ST6GAL1: variants seen among roughly 807,000 people sequenced by gnomAD.
The protein encoded by ST6GAL1 is ST6 beta-galactoside alpha-2,6-sialyltransferase 1.
Under a neutral mutation model 38.0 loss-of-function variants are expected in ST6GAL1, and 20 were observed. The ratio of observed to expected loss-of-function variants is 0.53; its 90% confidence interval spans 0.37 to 0.77. The LOEUF is 0.77. ST6GAL1 is among the 30% of genes least tolerant of loss of function. ST6GAL1 has a pLI of 0.00. For missense variants in ST6GAL1, 432 were observed against 496.4 expected, an observed-to-expected ratio of 0.87 and a Z score of 1.23; for synonymous variants, 196 against 188.2, an observed-to-expected ratio of 1.04 and a Z score of -0.34.
At chr3:187,071,358 CTT>C (rs1159358399) in intron 5 of ST6GAL1, among the ~76,000 whole-genome samples, 3 of 152,122 alleles carry the variant, frequency 2.0e-5, no homozygotes, top group Non-Finnish European at 4.4e-5. Flanking sequence ...TTTGGGGCTA[CTT>C]TTCTTTCTCA....
chr3:186,995,513 AAAT>A (rs1224574949), intron 2 of ST6GAL1, among the ~76,000 whole-genome samples: 1 of 66,084 alleles, frequency 1.5e-5, no homozygotes, highest in Non-Finnish European at 2.9e-5. Flanking sequence ...CTCAAAAAAA[AAAT>A]AATAATAAAA....
chr3:187,068,559 T>A (rs966200276), intron 5 of ST6GAL1, among the ~76,000 whole-genome samples: 17 of 152,308 alleles, frequency 1.1e-4, no homozygotes, highest in South Asian at 6.2e-4. Context: ...GTAGTAAGCA[T>A]CATTAAATGG....
chr3:187,033,498 C>T (rs1206911126), intron 2 of ST6GAL1, among the ~76,000 whole-genome samples: 1 of 152,196 alleles, frequency 6.6e-6, no homozygotes, highest in Non-Finnish European at 1.5e-5. Context: ...AAGTCTCAAC[C>T]ATTTACATTT....
intron 1 of ST6GAL1, among the ~76,000 whole-genome samples, chr3:186,948,523 A>C: frequency 7.4e-6 from 1 of 135,684 alleles, no homozygotes; most frequent in African/African-American, 2.8e-5. Flanking sequence ...GGGTTCAGAA[A>C]CTCTAGTGTG....
At chr3:186,971,183 G>A (rs1283479687) in intron 2 of ST6GAL1, among the ~76,000 whole-genome samples, 1 of 152,198 alleles carries the variant, frequency 6.6e-6, no homozygotes, top group Non-Finnish European at 1.5e-5. Flanking sequence ...CCACCTCCCG[G>A]GTTCAAGCGA....
chr3:187,037,803 G>A (rs1360825318), intron 2 of ST6GAL1, among the ~76,000 whole-genome samples: 1 of 152,040 alleles, frequency 6.6e-6, no homozygotes, highest in Admixed American at 6.6e-5. Flanking sequence ...AAAGAATAAT[G>A]GATGTACATT....
intron 5 of ST6GAL1, among the ~76,000 whole-genome samples, chr3:187,055,182 T>C (rs555411057): frequency 5.3e-5 from 8 of 152,196 alleles, no homozygotes; most frequent in Non-Finnish European, 8.8e-5. Flanking sequence ...ATTTGATTCT[T>C]CTCTCTTTTC....
intron 3 of ST6GAL1, chr3:187,041,841 G>A (rs1471040696): frequency 1.3e-5 from 2 of 152,224 alleles, no homozygotes; most frequent in Admixed American, 6.5e-5. Context: ...TGTGTCTCAT[G>A]GTGGCCCTGG....
chr3:186,999,147 C>G (rs1054175927), intron 2 of ST6GAL1, among the ~76,000 whole-genome samples: 1 of 152,200 alleles, frequency 6.6e-6, no homozygotes, highest in African/African-American at 2.4e-5. Context: ...AGGGAATCCT[C>G]CTTTTTAAAT....
At chr3:186,935,314 C>A (rs903592750) in intron 1 of ST6GAL1, among the ~76,000 whole-genome samples, 1 of 152,138 alleles carries the variant, frequency 6.6e-6, no homozygotes, top group Non-Finnish European at 1.5e-5. Flanking sequence ...CAGCTCCATC[C>A]CTGTTCCTGC....
chr3:187,075,463 C>G lies in ST6GAL1; in HGVS notation c.980-99C>G. On this transcript the variant is annotated intron_variant, in intron 7 of 7. Transcript: ENST00000169298. The surrounding 1 kb of genome is among the most constrained non-coding windows in gnomAD (Gnocchi z 4.1). ...AAATAGAAACTCCAGAGGGAAAGCT[C>G]TCCAAATTTGGGGTCATGAGCTGCT... The G allele has an allele frequency of 6.6e-7, 1 of 1,526,180 alleles. No individual in the cohort carries two copies. The allele number at this position is 1,526,180 out of a possible 1,614,324, so 94.5% of individuals were successfully genotyped here. A position where few individuals can be genotyped will look rare whatever the true frequency, so the allele number is the denominator to read the frequency against.
chr3:187,010,099 G>A (rs1368703099), intron 2 of ST6GAL1, among the ~76,000 whole-genome samples: 1 of 152,056 alleles, frequency 6.6e-6, no homozygotes, highest in Non-Finnish European at 1.5e-5. Flanking sequence ...TTGTCCTCTT[G>A]GGAATTGAGG....
intron 2 of ST6GAL1, among the ~76,000 whole-genome samples, chr3:187,010,647 T>C (rs2108558369): frequency 6.6e-6 from 1 of 152,260 alleles, no homozygotes; most frequent in Non-Finnish European, 1.5e-5. Flanking sequence ...TCTTGGCTCT[T>C]TCACTGGCAG....
At chr3:186,965,717 A>C (rs987321644) in intron 2 of ST6GAL1, among the ~76,000 whole-genome samples, 2 of 152,082 alleles carry the variant, frequency 1.3e-5, no homozygotes, top group Non-Finnish European at 2.9e-5. Flanking sequence ...CTCCTCACAG[A>C]GCTTACATAT....
At chr3:186,961,190 G>A (rs1714924255) in intron 1 of ST6GAL1, among the ~76,000 whole-genome samples, 1 of 152,078 alleles carries the variant, frequency 6.6e-6, no homozygotes, top group Admixed American at 6.6e-5. Flanking sequence ...TGACCAAGCT[G>A]GTCTTGAACT....
Position 187,025,713 on chromosome 3 carries a change from C to T in ST6GAL1, c.-182-13029C>T, listed in dbSNP as rs534768154. ...AGGGTGAAGACAGTAGCAAATGGCTCATGATTTCCCTTTGCCATGGCTGTG... is the reference window on the plus strand; with the variant it reads ...AGGGTGAAGACAGTAGCAAATGGCTTATGATTTCCCTTTGCCATGGCTGTG... On this transcript the variant is annotated intron_variant, in intron 2 of 7. Coordinates refer to ENST00000169298, the MANE Select transcript of ST6GAL1 (RefSeq NM_173216.2). Among the ~76,000 whole-genome samples, 114 of 152,262 alleles carry T rather than the reference C, an allele frequency of 7.5e-4. 3 individuals carry two copies. In the South Asian group the frequency reaches 0.022, roughly 29 times the overall value.
At chr3:186,981,078 A>G (rs564801535) in intron 2 of ST6GAL1, among the ~76,000 whole-genome samples, 1 of 152,344 alleles carries the variant, frequency 6.6e-6, no homozygotes, top group African/African-American at 2.4e-5. Flanking sequence ...AAAGCAAGGA[A>G]GAAGGCAGGA....
At chr3:186,937,246 G>A (rs1713994020) in intron 1 of ST6GAL1, among the ~76,000 whole-genome samples, 2 of 152,156 alleles carry the variant, frequency 1.3e-5, no homozygotes, top group East Asian at 1.9e-4. Context: ...GCTGTTCGGC[G>A]TCTCCAAGGA....
chr3:187,011,030 C>T (rs1453803590), intron 2 of ST6GAL1, among the ~76,000 whole-genome samples: 2 of 152,158 alleles, frequency 1.3e-5, no homozygotes, highest in African/African-American at 2.4e-5. Context: ...ACTCTTAATT[C>T]GTCTCAAAGT....
Sources: gnomAD v4.1 joint callset for allele counts (sites outside exome capture counted in the v4.1 genomes callset) on GRCh38, gnomAD v4.1.1 for gene constraint, Gnocchi (gnomAD v3.1) non-coding constraint, MANE v1.5 for transcripts, NCBI Gene and HGNC (gene_info 2026-07-23, HGNC 2026-07-21) for gene names.